SLC11A2: variants seen among roughly 807,000 people sequenced by gnomAD.
SLC11A2 encodes the protein solute carrier family 11 member 2.
A neutral mutation model predicts 68.0 loss-of-function variants in SLC11A2; 38 were observed. The observed-to-expected ratio is 0.56, with a 90% confidence interval of 0.43 to 0.73. The LOEUF (loss-of-function observed/expected upper bound fraction) is 0.73. Ranked by LOEUF, SLC11A2 falls within the 30% of genes least tolerant of loss-of-function variation. The pLI, the probability that SLC11A2 is intolerant of heterozygous loss-of-function variation, is 0.00. For synonymous variants in SLC11A2, 242 were observed against 250.6 expected, an observed-to-expected ratio of 0.97 and a Z score of 0.32; for missense variants, 517 against 690.5, an observed-to-expected ratio of 0.75 and a Z score of 2.82.
intron 1 of SLC11A2, among the ~76,000 whole-genome samples, chr12:51,019,599 A>G (rs2136395329): frequency 6.6e-6 from 1 of 151,888 alleles, no homozygotes; most frequent in East Asian, 1.9e-4. Flanking sequence ...ATTCTAGGTC[A>G]TGAAGAAGCA....
Position 51,025,686 on chromosome 12 carries a change from C to A in SLC11A2, c.-39+624G>T, listed in dbSNP as rs950093147. 4 of 865,490 alleles carry A rather than the reference C, an allele frequency of 4.6e-6. No individual in the cohort carries two copies. In the East Asian group the frequency reaches 4.9e-4, roughly 105 times the overall value. 53.6% of individuals were successfully genotyped at this position (865,490 alleles called of 1,614,324 possible). ...CAGCCCACTTACATATGTGCAATAT[C>A]CCCCTGTAGAAAAACCCTGCTCATT... On this transcript the variant is annotated intron_variant, in intron 1 of 15. Transcript: ENST00000262052.
At chr12:51,005,745 AT>A in intron 3 of SLC11A2, 1 of 1,261,352 alleles carries the variant, frequency 7.9e-7, no homozygotes, top group Non-Finnish European at 1.0e-6. Flanking sequence ...AAGAGCCACC[AT>A]TTTAAAAAGG....
chr12:51,025,834 G>A (rs1944345202), intron 1 of SLC11A2: 10 of 987,914 alleles, frequency 1.0e-5, no homozygotes, highest in Non-Finnish European at 1.2e-5. Flanking sequence ...AGTCGGTTAG[G>A]TTATAATGAG....
chr12:50,956,263 G>A, the SLC11A2 span, among the ~76,000 whole-genome samples: 2 of 152,048 alleles, frequency 1.3e-5, no homozygotes, highest in East Asian at 3.9e-4. Context: ...GTGGTGGCAG[G>A]CGCCTGTAGT....
At chr12:50,993,393 C>G (rs775288055) in intron 11 of SLC11A2, among the ~76,000 whole-genome samples, 1 of 152,124 alleles carries the variant, frequency 6.6e-6, no homozygotes, top group Non-Finnish European at 1.5e-5. Context: ...AAACACTTTA[C>G]TAAGAACACT....
At chr12:50,978,286 T>G (rs1180214779), downstream of SLC11A2, among the ~76,000 whole-genome samples, 3 of 151,702 alleles carry the variant, frequency 2.0e-5, no homozygotes, top group African/African-American at 7.3e-5. Context: ...ATGTGGCACA[T>G]ACACACCATG....
chr12:50,988,484 T>A (rs376420089), intron 15 of SLC11A2, 49 bp from the exon 16 acceptor site: 64 of 1,612,350 alleles, frequency 4.0e-5, no homozygotes, highest in Non-Finnish European at 5.3e-5. Flanking sequence ...TGAAGAGCCA[T>A]GACTGCTCAC....
intron 1 of SLC11A2, among the ~76,000 whole-genome samples, chr12:51,019,054 C>T (rs531422024): frequency 1.3e-5 from 2 of 152,144 alleles, no homozygotes; most frequent in African/African-American, 4.8e-5. Flanking sequence ...ATGGAAGTAA[C>T]TGATGAAATA....
At chr12:50,976,289 C>A (rs1456045300), downstream of SLC11A2, among the ~76,000 whole-genome samples, 1 of 152,206 alleles carries the variant, frequency 6.6e-6, no homozygotes, top group East Asian at 1.9e-4. Flanking sequence ...AAAAGCTTAT[C>A]CACCTTGATC....
chr12:51,011,507 C>T (rs1395836116), intron 1 of SLC11A2, among the ~76,000 whole-genome samples: 1 of 151,744 alleles, frequency 6.6e-6, no homozygotes, highest in African/African-American at 2.4e-5. Flanking sequence ...TCCAAATTAT[C>T]CCAAGTGTCT....
chr12:51,008,996 G>T, intron 2 of SLC11A2: 1 of 699,102 alleles, frequency 1.4e-6, no homozygotes, highest in Non-Finnish European at 2.5e-6. Context: ...TGACATATGG[G>T]CTCAAAATAT....
chr12:50,972,640 G>A, the SLC11A2 span, among the ~76,000 whole-genome samples: 4,311 of 152,308 alleles, frequency 0.028, 210 homozygotes, highest in African/African-American at 0.099. Context: ...GTCAGACAGT[G>A]GGTGCAGGAC....
intron 1 of SLC11A2, among the ~76,000 whole-genome samples, chr12:51,017,054 C>T (rs1318044893): frequency 1.3e-5 from 2 of 151,330 alleles, no homozygotes; most frequent in Non-Finnish European, 2.9e-5. Flanking sequence ...GATAAAAATG[C>T]TAACAAAATT....
chr12:50,974,509 C>T (rs1295236337), downstream of SLC11A2, among the ~76,000 whole-genome samples: 2 of 152,180 alleles, frequency 1.3e-5, no homozygotes, highest in African/African-American at 4.8e-5. Flanking sequence ...TAGAAAGGAA[C>T]AACTGGTACC....
Position 50,992,237 on chromosome 12 carries a change from G to A in SLC11A2, c.1300C>T (p.His434Tyr), listed in dbSNP as rs766075262. 6.2e-7 allele frequency: 1 copy of A among 1,614,012 alleles called. No homozygotes were observed. Among genetic ancestry groups the A allele is most frequent in the Non-Finnish European group, 8.5e-7 (1 of 1,179,928 alleles). ...LLVAVFQDVE[H>Y]LTGMNDFLNV... is the part of the protein sequence containing the mutation. ...AGAAAGTCATTCATCCCTGTTAGAT[G>A]CTCTACATCTTGGAAGACAGCAACA... Residue 434 changes from histidine to tyrosine, a missense_variant, in exon 13 of 16, where the codon CAT becomes TAT. Coordinates refer to ENST00000262052, the MANE Select transcript of SLC11A2 (RefSeq NM_000617.3).
In SLC11A2 at chr12:50,988,100, G is replaced by A; in HGVS notation, c.*225C>T. ...TAGTGTTGGAATGATAGCAGCAAAT[G>A]TCAGCTTTTCAAAGATCCCACCCTA... is the stretch of plus-strand genomic sequence containing the variant. On this transcript the variant is annotated 3_prime_UTR_variant, in exon 16 of 16. Coordinates refer to ENST00000262052, the MANE Select transcript of SLC11A2 (RefSeq NM_000617.3). 1.4e-6 allele frequency: 2 copies of A among 1,473,308 alleles called. No individual in the cohort carries two copies. Among genetic ancestry groups the A allele is most frequent in the Non-Finnish European group, 1.8e-6 (2 of 1,108,422 alleles). 91.3% of individuals were successfully genotyped at this position (1,473,308 alleles called of 1,614,324 possible).
chr12:51,000,286 A>T, intron 6 of SLC11A2, 27 bp downstream of exon 6: 1 of 1,493,956 alleles, frequency 6.7e-7, no homozygotes, highest in Non-Finnish European at 9.3e-7. Context: ...CAAAACACTG[A>T]TGACTTTCTA....
At chr12:51,026,602 A>G (rs1944407466), upstream of SLC11A2, among the ~76,000 whole-genome samples, 1 of 151,898 alleles carries the variant, frequency 6.6e-6, no homozygotes, top group African/African-American at 2.4e-5. Context: ...TGCGTTGGCC[A>G]GACCCACACA....
chr12:51,009,854 G>A (rs1489333103), intron 2 of SLC11A2, among the ~76,000 whole-genome samples: 1 of 152,110 alleles, frequency 6.6e-6, no homozygotes, highest in Non-Finnish European at 1.5e-5. Context: ...ACTCAGAATT[G>A]TAAAAAAGAT....
Sources: allele counts gnomAD v4.1 joint callset (sites outside exome capture counted in the v4.1 genomes callset), GRCh38; gene constraint gnomAD v4.1.1; transcripts MANE v1.5; gene names NCBI Gene and HGNC (gene_info 2026-07-23, HGNC 2026-07-21).